Variants in PHACTR3 observed in about 807,000 individuals in gnomAD.
PHACTR3 encodes the protein phosphatase and actin regulator 3.
PHACTR3 carries 16 observed loss-of-function variants against 66.8 expected under a neutral mutation model. That is an observed-to-expected ratio of 0.24 (90% CI 0.16 to 0.36). The LOEUF is 0.36. Ranked by LOEUF, PHACTR3 falls within the 10% of genes least tolerant of loss-of-function variation. The pLI, the probability that PHACTR3 is intolerant of heterozygous loss-of-function variation, is 1.00. For synonymous variants in PHACTR3, 323 were observed against 292.1 expected (o/e 1.11, Z -1.08); for missense variants, 647 against 719.9 (o/e 0.90, Z 1.16).
intron 7 of PHACTR3, among the ~76,000 whole-genome samples, chr20:59,794,057 G>A (rs552805641): frequency 1.5e-4 from 22 of 146,988 alleles, no homozygotes; most frequent in Non-Finnish European, 2.1e-4. Context: ...CTGGGAGGCC[G>A]AGGTTGCAGT....
chr20:59,782,673 C>G (rs1306971054), intron 7 of PHACTR3, among the ~76,000 whole-genome samples: 1 of 152,204 alleles, frequency 6.6e-6, no homozygotes, highest in Non-Finnish European at 1.5e-5. Flanking sequence ...ACCACCAGAT[C>G]TCATGAGACT....
Position 59,806,145 on chromosome 20 carries a change from G to A in PHACTR3, c.1279G>A (p.Asp427Asn). The change falls in exon 8 of 13, where the codon GAT (aspartate) becomes AAT (asparagine). Residue 427 changes from aspartate (D) to asparagine (N), a missense_variant. By Grantham distance (23) the Asp-to-Asn change is conservative. This residue lies in a region of PHACTR3 where 577 missense variants were observed against 571.1 expected (regional missense o/e 1.01). Transcript: ENST00000371015. ...CCGGAACATTTTCCCCAGAAGGACTGATGAAGAAAGACAGGAGATCCGGCA... is the reference window on the plus strand; with the variant it reads ...CCGGAACATTTTCCCCAGAAGGACTAATGAAGAAAGACAGGAGATCCGGCA... Reference protein sequence around the residue: ...EDRNIFPRRTDEERQEIRQQI... With the variant: ...EDRNIFPRRTNEERQEIRQQI... 1.2e-6 allele frequency: 2 copies of A among 1,614,272 alleles called. No individual in the cohort carries two copies. Among genetic ancestry groups the A allele is most frequent in the Non-Finnish European group, 8.5e-7 (1 of 1,180,052 alleles).
In PHACTR3 at chr20:59,757,471, G is replaced by A. The variant is rs546882269; in HGVS notation, c.541+2107G>A. The stretch of plus-strand genomic sequence containing the variant: ...AGCGAGGTGCAGAGCATCCCAGAAA[G>A]GGGAATGACATGCAAAGACAGGGGA... On this transcript the variant is annotated intron_variant, in intron 4 of 12. Transcript: ENST00000371015. 7.2e-5 allele frequency among the ~76,000 whole-genome samples: 11 copies of A among 152,316 alleles called. No homozygotes were observed. In the South Asian group the frequency reaches 2.3e-3, roughly 32 times the overall value.
chr20:59,808,172 C>T (rs1188309624), intron 8 of PHACTR3, among the ~76,000 whole-genome samples: 1 of 152,192 alleles, frequency 6.6e-6, no homozygotes, highest in Non-Finnish European at 1.5e-5. Flanking sequence ...GATCGGGCAC[C>T]TCCCTAGTTG....
chr20:59,594,309 T>C (rs1278400642), intron 1 of PHACTR3, among the ~76,000 whole-genome samples: 1 of 151,520 alleles, frequency 6.6e-6, no homozygotes, highest in African/African-American at 2.4e-5. Context: ...TATAATAATT[T>C]ATTAGTTTCA....
intron 1 of PHACTR3, among the ~76,000 whole-genome samples, chr20:59,697,942 T>C (rs1166814057): frequency 6.6e-6 from 1 of 152,228 alleles, no homozygotes; most frequent in African/African-American, 2.4e-5. Context: ...GGTATGGCCA[T>C]CTTGCAGACA....
At chr20:59,647,788 G>C (rs1233488448) in intron 1 of PHACTR3, among the ~76,000 whole-genome samples, 1 of 152,140 alleles carries the variant, frequency 6.6e-6, no homozygotes, top group African/African-American at 2.4e-5. Flanking sequence ...CTGGATTCAG[G>C]TCCCAGTCCC....
Position 59,699,918 on chromosome 20 carries a change from C to T in PHACTR3, c.119-43189C>T, listed in dbSNP as rs146142023. The stretch of plus-strand genomic sequence containing the variant: ...TGGAAGTTGCAGTGAGCCAAGATCG[C>T]GCCACTGCACTCCAGCCTGGCAACA... On this transcript the variant is annotated intron_variant, in intron 1 of 12. Transcript: ENST00000371015. Among the ~76,000 whole-genome samples, 879 of 152,176 alleles carry T rather than the reference C, an allele frequency of 5.8e-3. 12 individuals carry two copies. Among genetic ancestry groups the T allele is most frequent in the African/African-American group, 0.02 (829 of 41,520 alleles).
intron 1 of PHACTR3, among the ~76,000 whole-genome samples, chr20:59,734,484 A>T (rs2038875541): frequency 6.6e-6 from 1 of 152,054 alleles, no homozygotes; most frequent in Non-Finnish European, 1.5e-5. Flanking sequence ...GCTTGAACTC[A>T]TGCCCTCAAG....
chr20:59,602,956 C>T (rs889063504), upstream of PHACTR3, among the ~76,000 whole-genome samples: 2 of 152,202 alleles, frequency 1.3e-5, no homozygotes, highest in East Asian at 1.9e-4. Flanking sequence ...GAGTGCTCAC[C>T]TCTTGAAGTT....
At chr20:59,682,923 G>GTT (rs2036719920) in intron 1 of PHACTR3, among the ~76,000 whole-genome samples, 1 of 152,074 alleles carries the variant, frequency 6.6e-6, no homozygotes, top group African/African-American at 2.4e-5. Flanking sequence ...GTGACGGGTC[G>GTT]GGGGGGACAT....
Position 59,755,187 on chromosome 20 carries a change from G to A in PHACTR3, c.364G>A (p.Glu122Lys), listed in dbSNP as rs772023363. The A allele has an allele frequency of 2.5e-6, 4 of 1,612,040 alleles. No homozygotes were observed. In the Admixed American group the frequency reaches 5.0e-5, roughly 20 times the overall value. ...GLLEMMEQDAESKTCNPDGGP... is the reference protein window; with the variant it reads ...GLLEMMEQDAKSKTCNPDGGP... ...ACAGCTACATTTCCTTGTAGATGCT[G>A]AAAGCAAAACTTGCAACCCCGATGG... The change falls in exon 4 of 13, where the codon GAA becomes AAA. Residue 122 changes from glutamate (E) to lysine (K), a missense_variant. Physicochemically the swap from Glu to Lys is moderately conservative, Grantham distance 56. Transcript: ENST00000371015.
At chr20:59,645,244 C>A (rs2035244880) in intron 1 of PHACTR3, among the ~76,000 whole-genome samples, 1 of 130,912 alleles carries the variant, frequency 7.6e-6, no homozygotes, top group African/African-American at 2.9e-5. Flanking sequence ...TTTTTTTTTA[C>A]CCACTCTCTG....
chr20:59,595,334 C>T (rs566709266), intron 1 of PHACTR3, among the ~76,000 whole-genome samples: 10 of 152,198 alleles, frequency 6.6e-5, no homozygotes, highest in East Asian at 1.9e-4. Flanking sequence ...TGGTGGTGCA[C>T]GCCTGTAGTC....
At position 59,770,870 on chromosome 20, in the gene PHACTR3, G is replaced by A. The variant is rs186566646; in HGVS notation, c.752-2409G>A. Among the ~76,000 whole-genome samples, 103 of 152,290 alleles carry A rather than the reference G, an allele frequency of 6.8e-4. 1 individual carries two copies. Among genetic ancestry groups the A allele is most frequent in the African/African-American group, 2.1e-3 (86 of 41,558 alleles). The stretch of plus-strand genomic sequence containing the variant: ...GCTGTCACCTGGTCCAGTTGGTAAC[G>A]CTCAACTCTGCGGGATGGGAGTCCC... On this transcript the variant is annotated intron_variant, in intron 5 of 12. Coordinates refer to ENST00000371015, the MANE Select transcript of PHACTR3 (RefSeq NM_080672.5).
At chr20:59,594,015 T>C (rs983063433) in intron 1 of PHACTR3, among the ~76,000 whole-genome samples, 7 of 152,230 alleles carry the variant, frequency 4.6e-5, no homozygotes, top group African/African-American at 9.6e-5. Flanking sequence ...AACCTTAGAT[T>C]CAGTTTGTGA....
intron 1 of PHACTR3, among the ~76,000 whole-genome samples, chr20:59,724,028 ATTGAGCCTGAACACCTT>A (rs2038456583): frequency 6.6e-6 from 1 of 151,976 alleles, no homozygotes; most frequent in African/African-American, 2.4e-5. Flanking sequence ...CACACCTTTT[ATTGAGCCTGAACACCTT>A]TCACATGGTC....
At chr20:59,624,038 T>G (rs993745762) in intron 1 of PHACTR3, among the ~76,000 whole-genome samples, 2 of 152,048 alleles carry the variant, frequency 1.3e-5, no homozygotes, top group African/African-American at 2.4e-5. Context: ...GGAGAGTGGT[T>G]GGGAGCTGCT....
At chr20:59,731,103 C>T (rs942609058) in intron 1 of PHACTR3, among the ~76,000 whole-genome samples, 5 of 152,158 alleles carry the variant, frequency 3.3e-5, no homozygotes, top group African/African-American at 9.7e-5. Context: ...ATAAGAAACT[C>T]ACCTTATGCT....
Sources: gnomAD v4.1 joint callset for allele counts (sites outside exome capture counted in the v4.1 genomes callset) on GRCh38, gnomAD v4.1.1 for gene constraint, gnomAD v4.1.1 regional missense constraint, MANE v1.5 for transcripts, NCBI Gene and HGNC (gene_info 2026-07-23, HGNC 2026-07-21) for gene names.